EPS15L1: variants seen among roughly 807,000 people sequenced by gnomAD.
The protein encoded by EPS15L1 is epidermal growth factor receptor substrate 15-like 1.
EPS15L1 carries 43 observed loss-of-function variants against 117.1 expected under a neutral mutation model. That is an observed-to-expected ratio of 0.37 (90% CI 0.29 to 0.47). The LOEUF (loss-of-function observed/expected upper bound fraction) is 0.47. Ranked by LOEUF, EPS15L1 falls within the 20% of genes least tolerant of loss-of-function variation. EPS15L1 has a pLI of 0.99. For missense variants in EPS15L1, 981 were observed against 1,164.0 expected (o/e 0.84, Z 2.29); for synonymous variants, 459 against 470.5 (o/e 0.98, Z 0.32).
intron 9 of EPS15L1, among the ~76,000 whole-genome samples, chr19:16,423,549 A>G (rs937923390): frequency 1.3e-5 from 2 of 152,172 alleles, no homozygotes; most frequent in Non-Finnish European, 2.9e-5. Flanking sequence ...CAGCCAGGGC[A>G]GCAGAGCAAG....
intron 1 of EPS15L1, among the ~76,000 whole-genome samples, chr19:16,463,045 G>A (rs2093268669): frequency 1.3e-5 from 2 of 152,276 alleles, no homozygotes; most frequent in African/African-American, 4.8e-5. Context: ...GGAGGGTGGG[G>A]CTCGGTTTTA....
chr19:16,428,590 A>C (rs1599634753), intron 8 of EPS15L1, 112 bp downstream of exon 8: 1 of 702,676 alleles, frequency 1.4e-6, no homozygotes, highest in Non-Finnish European at 2.4e-6. Context: ...AAAGAAAAGA[A>C]AAGAAAAGAA....
intron 13 of EPS15L1, among the ~76,000 whole-genome samples, chr19:16,411,222 G>A (rs1379417095): frequency 2.0e-5 from 3 of 152,176 alleles, no homozygotes; most frequent in African/African-American, 7.2e-5. Context: ...ACAGATGAAG[G>A]AAATGTGCCC....
At chr19:16,464,970 G>A (rs531043279) in intron 1 of EPS15L1, among the ~76,000 whole-genome samples, 11 of 151,722 alleles carry the variant, frequency 7.3e-5, no homozygotes, top group Non-Finnish European at 1.3e-4. Flanking sequence ...TCCCAGCTAC[G>A]CAGGAGGCTG....
intron 21 of EPS15L1, among the ~76,000 whole-genome samples, chr19:16,384,534 C>T (rs1410755422): frequency 6.6e-6 from 1 of 152,180 alleles, no homozygotes; most frequent in Non-Finnish European, 1.5e-5. Context: ...TGGAGAAGCC[C>T]TACAGCTGTC....
In EPS15L1 at chr19:16,379,962, G is replaced by A. The variant is rs145966018; in HGVS notation, c.2248-2708C>T. ...GACTCCAGTGTCTAGTCACATAGAC[G>A]CGGCTGTCTGAGGCTCTAGCTTCCA... On this transcript the variant is annotated intron_variant, in intron 21 of 23. Transcript: ENST00000455140. Among the ~76,000 whole-genome samples, 52 of 152,024 alleles carry A rather than the reference G, an allele frequency of 3.4e-4. 1 individual carries two copies. The East Asian group carries it at 7.6e-3, about 22-fold the overall frequency.
At chr19:16,463,136 T>G (rs1898202540) in intron 1 of EPS15L1, among the ~76,000 whole-genome samples, 3 of 152,162 alleles carry the variant, frequency 2.0e-5, no homozygotes, top group African/African-American at 7.2e-5. Flanking sequence ...TGGTCTTCTT[T>G]TTGACTGTAC....
At position 16,356,156 on chromosome 19, in the gene EPS15L1, G is replaced by A. The variant is rs1022955681; in HGVS notation, c.2587-305C>T. ...AGAGAAGTGAGGATGGGCCCTTGAC[G>A]CTGGTGGCCAAGAGGTGCAAAGATG... On this transcript the variant is annotated intron_variant, in intron 23 of 23. Transcript: ENST00000455140. 4.6e-5 allele frequency among the ~76,000 whole-genome samples: 7 copies of A among 152,344 alleles called. 1 individual carries two copies. In the South Asian group the frequency reaches 1.2e-3, roughly 27 times the overall value.
At position 16,410,132 on chromosome 19, in the gene EPS15L1, T is replaced by C. The variant is rs1018920322; in HGVS notation, c.1266+3641A>G. Among the ~76,000 whole-genome samples the C allele has an allele frequency of 2.7e-3, 310 of 114,726 alleles. 1 individual carries two copies. Among genetic ancestry groups the C allele is most frequent in the African/African-American group, 0.01 (297 of 28,810 alleles). 75.3% of individuals were successfully genotyped at this position (114,726 alleles called of 152,430 possible). A position where few individuals can be genotyped will look rare whatever the true frequency, so the allele number is the denominator to read the frequency against. On this transcript the variant is annotated intron_variant, in intron 13 of 23. Coordinates refer to ENST00000455140, the MANE Select transcript of EPS15L1 (RefSeq NM_001258374.3). ...CTAGGCAACAGAGTGAGACTCCGTC[T>C]CAAAAAAAAAAAAAAATGCAATTTA...
intron 13 of EPS15L1, among the ~76,000 whole-genome samples, chr19:16,408,656 T>C (rs1216711533): frequency 2.8e-5 from 4 of 142,590 alleles, no homozygotes; most frequent in African/African-American, 1.0e-4. Context: ...AGACTCCGTC[T>C]CAAAAAAAAA....
chr19:16,401,250 T>C (rs968135761), intron 16 of EPS15L1: 442 of 985,390 alleles, frequency 4.5e-4, no homozygotes, highest in Non-Finnish European at 5.0e-4. Context: ...CAGCAGTGCC[T>C]TCCCAGCAGC....
intron 1 of EPS15L1, among the ~76,000 whole-genome samples, chr19:16,444,351 GC>G (rs1350866102): frequency 6.6e-6 from 1 of 152,128 alleles, no homozygotes; most frequent in Non-Finnish European, 1.5e-5. Context: ...CAAGATGGCT[GC>G]CCCCCTCGTG....
chr19:16,386,623 G>A (rs1026252464), intron 19 of EPS15L1, among the ~76,000 whole-genome samples: 30 of 152,232 alleles, frequency 2.0e-4, no homozygotes, highest in Non-Finnish European at 8.8e-5. Context: ...CTGACCACCA[G>A]AGGATGGAGC....
At chr19:16,357,137 AG>A (rs1397067339) in intron 23 of EPS15L1, 1 of 152,636 alleles carries the variant, frequency 6.6e-6, no homozygotes, top group African/African-American at 2.4e-5. Flanking sequence ...AGAAGCACAC[AG>A]GAACACTCAC....
chr19:16,408,206 G>C (rs2092675001), intron 13 of EPS15L1, among the ~76,000 whole-genome samples: 1 of 152,190 alleles, frequency 6.6e-6, no homozygotes, highest in Non-Finnish European at 1.5e-5. Context: ...CCACCAGCTC[G>C]AGGTTAGGAA....
chr19:16,461,524 A>C lies in EPS15L1; in HGVS notation c.33+10389T>G, dbSNP rs190265722. On this transcript the variant is annotated intron_variant, in intron 1 of 23. Transcript: ENST00000455140. Reference sequence around the variant, plus strand: ...GTGGTCCCAGCTACTCGGAGGGCTGAGGCTGGAAAATCACTTGAACCCAAG... The same window carrying C: ...GTGGTCCCAGCTACTCGGAGGGCTGCGGCTGGAAAATCACTTGAACCCAAG... Among the ~76,000 whole-genome samples the C allele has an allele frequency of 1.4e-4, 21 of 151,452 alleles. No homozygotes were observed. In the East Asian group the frequency reaches 4.1e-3, roughly 29 times the overall value.
chr19:16,421,414 C>A lies in EPS15L1; in HGVS notation c.855G>T (p.Lys285Asn). ...CGTAGCCATCCAGGTCCAGGTCGGT[C>A]TTCAGGAATATCTCATCAAATCGCA... Reference protein sequence around the residue: ...DKMRFDEIFLKTDLDLDGYVS... With the variant: ...DKMRFDEIFLNTDLDLDGYVS... The change falls in exon 10 of 24, where the codon AAG (lysine) becomes AAT (asparagine). Residue 285 changes from lysine to asparagine, a missense_variant. Physicochemically the swap from Lys to Asn is moderately conservative, Grantham distance 94. Around this residue, in one of 5 missense-constraint regions of EPS15L1, gnomAD observed 819 missense variants for 949.0 expected, o/e 0.86. Transcript: ENST00000455140. 3 of 1,614,154 alleles carry A rather than the reference C, an allele frequency of 1.9e-6. No individual in the cohort carries two copies. The highest frequency in any genetic ancestry group is 2.5e-6 in the Non-Finnish European group (3 of 1,179,994).
chr19:16,463,168 G>C (rs971839628), intron 1 of EPS15L1, among the ~76,000 whole-genome samples: 1 of 152,110 alleles, frequency 6.6e-6, no homozygotes, highest in Admixed American at 6.5e-5. Context: ...GTCTCACGTG[G>C]CTTGGAGGGT....
chr19:16,380,365 A>C (rs1342853550), intron 21 of EPS15L1, among the ~76,000 whole-genome samples: 1 of 152,104 alleles, frequency 6.6e-6, no homozygotes, highest in Non-Finnish European at 1.5e-5. Context: ...CTAGTCACAC[A>C]GACACAGCCG....
Sources: allele counts gnomAD v4.1 joint callset (sites outside exome capture counted in the v4.1 genomes callset), GRCh38; gene constraint gnomAD v4.1.1; regional missense constraint gnomAD v4.1.1; transcripts MANE v1.5; gene names NCBI Gene and HGNC (gene_info 2026-07-23, HGNC 2026-07-21).